Variants in ATP13A3 observed in about 807,000 individuals in gnomAD.
The protein encoded by ATP13A3 is ATPase 13A3, also known as polyamine-transporting ATPase 13A3.
ATP13A3 carries 59 observed loss-of-function variants against 158.1 expected under a neutral mutation model. The observed-to-expected ratio is 0.37, with a 90% CI of 0.30 to 0.46. The LOEUF (loss-of-function observed/expected upper bound fraction) is 0.46. Ranked by LOEUF, ATP13A3 falls within the 20% of genes least tolerant of loss-of-function variation. The probability of loss-of-function intolerance (pLI) is 1.00; values close to 1 mark genes in which losing one functional copy is unlikely to be tolerated. For missense variants in ATP13A3, 1,166 were observed against 1,525.2 expected (o/e 0.76, Z 3.92); for synonymous variants, 491 against 504.3 (o/e 0.97, Z 0.35).
At position 194,433,833 on chromosome 3, in the gene ATP13A3, T is replaced by C. The variant is rs762085306; in HGVS notation, c.2184A>G (p.Gln728=). Reference sequence around the variant, plus strand: ...AATCTTCAAGTACTGCAGGGGTTTCTTGCTTTAATTTGTTCTGCATTATAA... The same window carrying C: ...AATCTTCAAGTACTGCAGGGGTTTCCTGCTTTAATTTGTTCTGCATTATAA... ...GLIIMQNKLK[Q]ETPAVLEDLH... is the part of the protein sequence containing the mutation. The change falls in exon 21 of 34, where the codon CAA becomes CAG. Residue 728 remains glutamine (Q), a synonymous_variant. Coordinates refer to ENST00000645319, the MANE Select transcript of ATP13A3 (RefSeq NM_001367549.1). The C allele has an allele frequency of 6.2e-7, 1 of 1,614,100 alleles. No homozygotes were observed.
chr3:194,430,049 AG>A, intron 26 of ATP13A3, 22 bp downstream of exon 26: 1 of 1,578,182 alleles, frequency 6.3e-7, no homozygotes, highest in Non-Finnish European at 8.7e-7. Context: ...AAAAGGGATG[AG>A]AAAAATTTTA....
chr3:194,483,610 TGAC>T (rs1409728264), intron 2 of ATP13A3, among the ~76,000 whole-genome samples: 1 of 152,098 alleles, frequency 6.6e-6, no homozygotes, highest in African/African-American at 2.4e-5. Context: ...AACATGGTTT[TGAC>T]GACTACAGAT....
rs758840091 is a variant in ATP13A3, at chr3:194,460,793, G to A, written c.90C>T (p.Ala30=). Residue 30 remains alanine, a synonymous_variant, in exon 4 of 34, where the codon GCC becomes GCT. Coordinates refer to ENST00000645319, the MANE Select transcript of ATP13A3 (RefSeq NM_001367549.1). ...YGYNLSRWKL[A]IVSLGVICSG... ...AGCAAATCACTCCTAAAGAAACTATGGCAAGCTTCCAGCGACTCAAATTGT... is the reference window on the plus strand; with the variant it reads ...AGCAAATCACTCCTAAAGAAACTATAGCAAGCTTCCAGCGACTCAAATTGT... 6.2e-7 allele frequency: 1 copy of A among 1,614,020 alleles called. No homozygotes were observed. The highest frequency in any genetic ancestry group is 8.5e-7 in the Non-Finnish European group (1 of 1,179,962).
Position 194,421,182 on chromosome 3 carries a change from T to G in ATP13A3, c.3314-1215A>C, listed in dbSNP as rs1329228775. Among the ~76,000 whole-genome samples the G allele has an allele frequency of 3.5e-5, 3 of 85,540 alleles. 1 individual carries two copies. Among genetic ancestry groups the G allele is most frequent in the African/African-American group, 1.7e-4 (3 of 17,484 alleles). The allele number at this position is 85,540 out of a possible 152,430, so 56.1% of individuals were successfully genotyped here. Reference sequence around the variant, plus strand: ...ATATATATATATAGTTTTAGTAGCTTAGGCTGAAACTTACACTAACACTTA... The same window carrying G: ...ATATATATATATAGTTTTAGTAGCTGAGGCTGAAACTTACACTAACACTTA... On this transcript the variant is annotated intron_variant, in intron 30 of 33. Coordinates refer to ENST00000645319, the MANE Select transcript of ATP13A3 (RefSeq NM_001367549.1).
At position 194,448,414 on chromosome 3, in the gene ATP13A3, A is replaced by G. The variant is rs1718554784; in HGVS notation, c.1150+43T>C. 1 of 1,586,016 alleles carries G rather than the reference A, an allele frequency of 6.3e-7. No individual in the cohort carries two copies. The highest frequency in any genetic ancestry group is 8.7e-7 in the Non-Finnish European group (1 of 1,155,382). ...TTTAAACATTTAGTAGGTATCAAAT[A>G]TGCTGAAACATGCAAAAAGAGATTA... On this transcript the variant is annotated intron_variant, in intron 12 of 33. Coordinates refer to ENST00000645319, the MANE Select transcript of ATP13A3 (RefSeq NM_001367549.1). This position sits in a 1 kb window ranked among gnomAD's most constrained non-coding sequence, Gnocchi z 4.0.
chr3:194,494,320 C>T lies in ATP13A3; in HGVS notation n.516-40G>A, dbSNP rs762421182. The T allele has an allele frequency of 2.5e-6, 1 of 398,270 alleles. No individual in the cohort carries two copies. The highest frequency in any genetic ancestry group is 4.4e-5 in the Admixed American group (1 of 22,704). 24.7% of individuals were successfully genotyped at this position (398,270 alleles called of 1,614,324 possible). A position where few individuals can be genotyped will look rare whatever the true frequency, so the allele number is the denominator to read the frequency against. The stretch of plus-strand genomic sequence containing the variant: ...AACAAGTTAACATTGATTTTCACAA[C>T]CACGATGTCAGACTAGCAATGGAAT... On this transcript the variant is annotated intron_variant and non_coding_transcript_variant, in intron 1 of 32. Coordinates refer to the ATP13A3 transcript ENST00000687055. The surrounding 1 kb of genome is among the most constrained non-coding windows in gnomAD (Gnocchi z 4.2).
In ATP13A3 at chr3:194,425,456, T is replaced by G; in HGVS notation, c.3199A>C (p.Asn1067His). The G allele has an allele frequency of 6.2e-7, 1 of 1,613,598 alleles. No individual in the cohort carries two copies. The highest frequency in any genetic ancestry group is 8.5e-7 in the Non-Finnish European group (1 of 1,179,526). The change falls in exon 30 of 34, where the codon AAT becomes CAT. Residue 1067 changes from asparagine to histidine, a missense_variant. Transcript: ENST00000645319. ...GTGGTATTTTCATAATTTTGTATAT[T>G]ATGTTCATCAAGTTCGGTTTCATTG... ...VDNETELDEH[N>H]IQNYENTTVF...
At chr3:194,479,525 C>T (rs1233340536) in intron 2 of ATP13A3, among the ~76,000 whole-genome samples, 2 of 150,864 alleles carry the variant, frequency 1.3e-5, no homozygotes, top group Non-Finnish European at 3.0e-5. Flanking sequence ...ACTTAAGAAG[C>T]TAAGGCATGA....
At chr3:194,483,985 A>ATCACC (rs1720863812) in intron 2 of ATP13A3, among the ~76,000 whole-genome samples, 1 of 152,248 alleles carries the variant, frequency 6.6e-6, no homozygotes, top group Admixed American at 6.5e-5. Context: ...TTGGCAGCTT[A>ATCACC]TCACCTATCA....
intron 17 of ATP13A3, among the ~76,000 whole-genome samples, 181 bp downstream of exon 17, chr3:194,438,675 A>G (rs1332712967): frequency 4.6e-5 from 7 of 152,100 alleles, no homozygotes; most frequent in Non-Finnish European, 1.5e-5. Context: ...GGTGGCTCAC[A>G]CCTGTAATCC....
Position 194,448,675 on chromosome 3 carries a change from A to C in ATP13A3, c.971-39T>G. The C allele has an allele frequency of 6.3e-7, 1 of 1,576,578 alleles. No individual in the cohort carries two copies. The highest frequency in any genetic ancestry group is 8.6e-7 in the Non-Finnish European group (1 of 1,161,464). ...CAACAACAACAAAAACAGTTTACAA[A>C]TTATTAAACGAAAGCACAGGAATCA... On this transcript the variant is annotated intron_variant, in intron 11 of 33. Coordinates refer to ENST00000645319, the MANE Select transcript of ATP13A3 (RefSeq NM_001367549.1). This position sits in a 1 kb window ranked among gnomAD's most constrained non-coding sequence, Gnocchi z 4.0.
upstream of ATP13A3, among the ~76,000 whole-genome samples, chr3:194,490,331 G>T (rs548402336): frequency 3.9e-5 from 6 of 152,288 alleles, no homozygotes; most frequent in South Asian, 1.2e-3. This position sits in a 1 kb window ranked among gnomAD's most constrained non-coding sequence, Gnocchi z 4.4. Context: ...AACTCCAGGG[G>T]CTAGGCCTCC....
intron 30 of ATP13A3, among the ~76,000 whole-genome samples, chr3:194,425,123 T>G (rs1716670855): frequency 6.6e-6 from 1 of 152,228 alleles, no homozygotes; most frequent in Non-Finnish European, 1.5e-5. Context: ...GGCACTATGA[T>G]GTGAAAAACA....
chr3:194,464,482 C>G (rs1234460607), intron 2 of ATP13A3, among the ~76,000 whole-genome samples: 10 of 152,254 alleles, frequency 6.6e-5, no homozygotes, highest in African/African-American at 2.4e-4. Context: ...AATCAAAGCA[C>G]TTTTGGGTGG....
At position 194,402,923 on chromosome 3, in the gene ATP13A3, G is replaced by A. The variant is rs1714712319; in HGVS notation, c.*2996C>T. The A allele has an allele frequency of 6.6e-6, 1 of 152,094 alleles. No homozygotes were observed. Among genetic ancestry groups the A allele is most frequent in the South Asian group, 2.1e-4 (1 of 4,830 alleles). 9.4% of individuals were successfully genotyped at this position (152,094 alleles called of 1,614,324 possible). A position where few individuals can be genotyped will look rare whatever the true frequency, so the allele number is the denominator to read the frequency against. Reference sequence around the variant, plus strand: ...TAGAAGTAACTTTTATTAATTTAATGTACACATAATTACCAAATTTTAATA... The same window carrying A: ...TAGAAGTAACTTTTATTAATTTAATATACACATAATTACCAAATTTTAATA... On this transcript the variant is annotated 3_prime_UTR_variant, in exon 34 of 34. Transcript: ENST00000645319.
At position 194,486,651 on chromosome 3, in the gene ATP13A3, G is replaced by GGCCGCCGCTGTCGCC. The variant is rs1720992812; in HGVS notation, c.-189_-175dup. On this transcript the variant is annotated 5_prime_UTR_variant, in exon 1 of 34. Transcript: ENST00000645319. ...CAGCCCCAGGGACCGCGGGGGACCC[G>GGCCGCCGCTGTCGCC]GCCGCCGCTGTCGCCGCCGCCGCCT... 6.7e-6 allele frequency: 1 copy of GGCCGCCGCTGTCGCC among 148,430 alleles called. No individual in the cohort carries two copies. The highest frequency in any genetic ancestry group is 2.4e-5 in the African/African-American group (1 of 40,838). 9.2% of individuals were successfully genotyped at this position (148,430 alleles called of 1,614,324 possible). A position where few individuals can be genotyped will look rare whatever the true frequency, so the allele number is the denominator to read the frequency against.
At chr3:194,412,112 G>A (rs1454350727) in intron 33 of ATP13A3, 87 bp downstream of exon 33, 2 of 1,106,838 alleles carry the variant, frequency 1.8e-6, no homozygotes, top group African/African-American at 3.1e-5. Context: ...ACACATAACA[G>A]AACAAGAACA....
At position 194,404,001 on chromosome 3, in the gene ATP13A3, C is replaced by T. The variant is rs932498085; in HGVS notation, c.*1918G>A. ...ATCGGATAATTGAATTTTTAAGCTG[C>T]TACTTAGCAATTACTTTCATTATAT... On this transcript the variant is annotated 3_prime_UTR_variant, in exon 34 of 34. Coordinates refer to ENST00000645319, the MANE Select transcript of ATP13A3 (RefSeq NM_001367549.1). 5 of 386,032 alleles carry T rather than the reference C, an allele frequency of 1.3e-5. No individual in the cohort carries two copies. In the Admixed American group the frequency reaches 1.4e-4, roughly 11 times the overall value. 23.9% of individuals were successfully genotyped at this position (386,032 alleles called of 1,614,324 possible). A position where few individuals can be genotyped will look rare whatever the true frequency, so the allele number is the denominator to read the frequency against.
At chr3:194,485,079 A>T (rs1258109170) in intron 2 of ATP13A3, among the ~76,000 whole-genome samples, 13 of 152,052 alleles carry the variant, frequency 8.5e-5, no homozygotes, top group Non-Finnish European at 2.9e-5. Context: ...AAAAATTTAA[A>T]GCAACCAAAT....
Sources: allele counts gnomAD v4.1 joint callset (sites outside exome capture counted in the v4.1 genomes callset), GRCh38; gene constraint gnomAD v4.1.1; non-coding constraint Gnocchi (gnomAD v3.1); transcripts MANE v1.5; gene names NCBI Gene and HGNC (gene_info 2026-07-23, HGNC 2026-07-21).